The following NLRP11 variants were observed in gnomAD, a reference collection of about 807,000 sequenced individuals.
NLRP11 encodes NLR family pyrin domain containing 11.
In NLRP11, 53 loss-of-function variants were observed where a neutral mutation model predicts 79.3. That is an observed-to-expected ratio of 0.67 (90% confidence interval 0.54 to 0.84). The LOEUF (loss-of-function observed/expected upper bound fraction) is 0.84. NLRP11 is among the 40% of genes least tolerant of loss of function. The pLI, the probability that NLRP11 is intolerant of heterozygous loss-of-function variation, is 0.00. For synonymous variants in NLRP11, 518 were observed against 462.6 expected, an observed-to-expected ratio of 1.12 and a Z score of -1.54; for missense variants, 1,264 against 1,255.0, an observed-to-expected ratio of 1.01 and a Z score of -0.11.
chr19:55,824,119 A>G (rs1376809461), intron 1 of NLRP11, among the ~76,000 whole-genome samples: 2 of 121,560 alleles, frequency 1.6e-5, no homozygotes, highest in East Asian at 4.6e-4. Context: ...CAACATTCTT[A>G]AAGAAAAGAA....
At chr19:55,812,796 A>G (rs1568638233) in intron 2 of NLRP11, among the ~76,000 whole-genome samples, 1 of 152,182 alleles carries the variant, frequency 6.6e-6, no homozygotes, top group Non-Finnish European at 1.5e-5. Flanking sequence ...CTATAAACTT[A>G]GTTCAAAACC....
rs1989854882 is a variant in NLRP11, at chr19:55,785,950, A to C, written c.2856-79T>G. 3.5e-6 allele frequency: 5 copies of C among 1,435,908 alleles called. No homozygotes were observed. The Admixed American group carries it at 1.0e-4, about 30-fold the overall frequency. The allele number at this position is 1,435,908 out of a possible 1,614,324, so 88.9% of individuals were successfully genotyped here. ...TTGTTGCATCAATGACTAATTCCCCATATGGCATCCTTTGGGTATTCTTGG... is the reference window on the plus strand; with the variant it reads ...TTGTTGCATCAATGACTAATTCCCCCTATGGCATCCTTTGGGTATTCTTGG... On this transcript the variant is annotated intron_variant, in intron 9 of 9. Coordinates refer to ENST00000589093, the Ensembl canonical transcript of NLRP11.
At position 55,810,211 on chromosome 19, in the gene NLRP11, T is replaced by C. The variant is rs61751897; in HGVS notation, c.399A>G (p.Gln133=). Residue 133 remains glutamine (Q), a synonymous_variant, in exon 3 of 10, where the codon CAA becomes CAG. Transcript: ENST00000589093. ...AATAGCTGGTAGAATCATAGGCTAATTGAAGTATGTAGAACACATCTGACG... is the reference window on the plus strand; with the variant it reads ...AATAGCTGGTAGAATCATAGGCTAACTGAAGTATGTAGAACACATCTGACG... The C allele has an allele frequency of 3.5e-3, 5,674 of 1,614,132 alleles. 161 individuals are homozygous for C. In the African/African-American group the frequency reaches 0.066, roughly 19 times the overall value.
chr19:55,823,081 G>T (rs1454912529), intron 1 of NLRP11, among the ~76,000 whole-genome samples: 1 of 147,760 alleles, frequency 6.8e-6, no homozygotes, highest in Non-Finnish European at 1.5e-5. Flanking sequence ...CCAGCAGACT[G>T]CCTCCTCAAG....
intron 7 of NLRP11, among the ~76,000 whole-genome samples, chr19:55,791,522 G>C (rs970703407): frequency 6.6e-6 from 1 of 152,160 alleles, no homozygotes; most frequent in Admixed American, 6.5e-5. Flanking sequence ...CAGTTCAGGA[G>C]CTCACAAGCC....
At chr19:55,822,579 G>C (rs1981864475) in intron 1 of NLRP11, among the ~76,000 whole-genome samples, 1 of 152,108 alleles carries the variant, frequency 6.6e-6, no homozygotes, top group Admixed American at 6.5e-5. Flanking sequence ...GCCGAAGCAG[G>C]GCGAGGCATT....
rs991100743 is a variant in NLRP11 at position 55,823,285 on chromosome 19, A to T, written c.-62-5049T>A. ...TGTACATCACCATCATCAAAGACCA[A>T]AAGTAGATAAAACCACAAAGATGGG... On this transcript the variant is annotated intron_variant, in intron 1 of 9. Transcript: ENST00000589093. 4.0e-4 allele frequency among the ~76,000 whole-genome samples: 55 copies of T among 135,832 alleles called. 1 individual carries two copies. Among genetic ancestry groups the T allele is most frequent in the African/African-American group, 1.5e-3 (51 of 32,914 alleles). 89.1% of individuals were successfully genotyped at this position (135,832 alleles called of 152,430 possible).
upstream of NLRP11, among the ~76,000 whole-genome samples, chr19:55,833,487 C>G (rs189236028): frequency 7.2e-5 from 11 of 151,808 alleles, no homozygotes; most frequent in Non-Finnish European, 1.3e-4. Flanking sequence ...ATTGGTTGGC[C>G]GGGGGCGGTG....
chr19:55,836,444 A>G (rs192469135), upstream of NLRP11: 56 of 152,254 alleles, frequency 3.7e-4, 1 homozygote, highest in African/African-American at 1.3e-3. Context: ...GGATCTGTTC[A>G]TCAAAAGCCC....
At chr19:55,793,597 A>C (rs1016024887) in intron 6 of NLRP11, among the ~76,000 whole-genome samples, 2 of 149,976 alleles carry the variant, frequency 1.3e-5, no homozygotes, top group Non-Finnish European at 3.0e-5. Context: ...AGTTGAAAAC[A>C]ACCAATTTAT....
chr19:55,832,825 C>G (rs1225771456), upstream of NLRP11: 1 of 152,120 alleles, frequency 6.6e-6, no homozygotes. Flanking sequence ...TGAAAGAATA[C>G]CTTTTACAAT....
At chr19:55,796,652 T>G (rs1413374278) in intron 5 of NLRP11, among the ~76,000 whole-genome samples, 2 of 152,042 alleles carry the variant, frequency 1.3e-5, no homozygotes, top group Non-Finnish European at 2.9e-5. Flanking sequence ...TGCATAGCCT[T>G]GGGTGCCCCA....
rs114015523 is a variant in NLRP11 at position 55,806,375 on chromosome 19, G to A, written c.2003+1478C>T. Among the ~76,000 whole-genome samples the A allele has an allele frequency of 2.2e-3, 334 of 152,236 alleles. 2 individuals are homozygous for A. Among genetic ancestry groups the A allele is most frequent in the African/African-American group, 7.7e-3 (321 of 41,520 alleles). ...TGACCTTCCTCAGATTCTGGCTCTC[G>A]CCGTCATTTCCCAACTCAGTGGCAA... On this transcript the variant is annotated intron_variant, in intron 4 of 9. Transcript: ENST00000589093.
intron 4 of NLRP11, among the ~76,000 whole-genome samples, chr19:55,806,791 A>G (rs996516166): frequency 3.3e-5 from 5 of 152,182 alleles, no homozygotes; most frequent in Non-Finnish European, 7.3e-5. Context: ...CATCTCCGTA[A>G]TACCCTTCCT....
At chr19:55,813,093 G>A (rs553103877) in intron 2 of NLRP11, among the ~76,000 whole-genome samples, 5 of 152,110 alleles carry the variant, frequency 3.3e-5, no homozygotes, top group East Asian at 1.9e-4. Flanking sequence ...TTTGGGAGGC[G>A]AAGGCGGGCA....
chr19:55,787,267 G>C (rs1264031657), intron 9 of NLRP11, among the ~76,000 whole-genome samples: 1 of 152,186 alleles, frequency 6.6e-6, no homozygotes, highest in East Asian at 1.9e-4. Context: ...GCTTCTAAAT[G>C]GCTTCTAACA....
At chr19:55,822,943 C>T (rs1452365800) in intron 1 of NLRP11, among the ~76,000 whole-genome samples, 1 of 152,184 alleles carries the variant, frequency 6.6e-6, no homozygotes, top group Non-Finnish European at 1.5e-5. Flanking sequence ...CCTCTATAGG[C>T]TCCACCTCTG....
chr19:55,811,281 A>C (rs557397151), intron 2 of NLRP11, among the ~76,000 whole-genome samples: 1 of 152,252 alleles, frequency 6.6e-6, no homozygotes, highest in Non-Finnish European at 1.5e-5. Flanking sequence ...ATGTTAAGAC[A>C]TAAGTATAAA....
intron 2 of NLRP11, among the ~76,000 whole-genome samples, chr19:55,814,974 G>C (rs780247313): frequency 3.3e-5 from 5 of 152,136 alleles, no homozygotes; most frequent in Non-Finnish European, 7.3e-5. Flanking sequence ...ACATCAAGTT[G>C]TACACCTTAA....
Sources: allele counts gnomAD v4.1 joint callset (sites outside exome capture counted in the v4.1 genomes callset), GRCh38; gene constraint gnomAD v4.1.1; transcripts MANE v1.5; gene names NCBI Gene and HGNC (gene_info 2026-07-23, HGNC 2026-07-21).